Variants in ZNF385B observed in about 807,000 individuals in gnomAD.
ZNF385B encodes zinc finger protein 385B.
A neutral mutation model predicts 39.2 loss-of-function variants in ZNF385B; 23 were observed. That is an observed-to-expected ratio of 0.59 (90% confidence interval 0.42 to 0.83). The LOEUF is 0.83. Ranked by LOEUF, ZNF385B falls within the 40% of genes least tolerant of loss-of-function variation. ZNF385B has a pLI of 0.00. For synonymous variants in ZNF385B, 205 were observed against 222.6 expected, an observed-to-expected ratio of 0.92 and a Z score of 0.70; for missense variants, 552 against 598.9, an observed-to-expected ratio of 0.92 and a Z score of 0.82.
intron 1 of ZNF385B, among the ~76,000 whole-genome samples, chr2:179,784,660 G>T (rs79597017): frequency 6.6e-6 from 1 of 151,886 alleles, no homozygotes. Context: ...ATTCAGAAAA[G>T]ACATCCCAAT....
chr2:179,726,921 T>C (rs1322936803), intron 3 of ZNF385B, among the ~76,000 whole-genome samples: 1 of 152,060 alleles, frequency 6.6e-6, no homozygotes, highest in Non-Finnish European at 1.5e-5. Context: ...TGACTGGACA[T>C]TGAGCTAGTT....
At chr2:179,773,485 T>C (rs1339081783) in intron 1 of ZNF385B, among the ~76,000 whole-genome samples, 3 of 152,246 alleles carry the variant, frequency 2.0e-5, no homozygotes, top group Non-Finnish European at 4.4e-5. Context: ...CCACTTTTCC[T>C]GATGTCCTCG....
chr2:179,713,640 T>C (rs1575319471), intron 3 of ZNF385B, among the ~76,000 whole-genome samples: 1 of 152,188 alleles, frequency 6.6e-6, no homozygotes, highest in African/African-American at 2.4e-5. Flanking sequence ...CAGGGCAAGG[T>C]CCAAATCTGC....
intron 1 of ZNF385B, among the ~76,000 whole-genome samples, chr2:179,784,920 T>G (rs2106529269): frequency 6.6e-6 from 1 of 152,238 alleles, no homozygotes; most frequent in South Asian, 2.1e-4. Flanking sequence ...CCCAGCAATT[T>G]TATTCTTAGG....
rs577439235 is a variant in ZNF385B, at chr2:179,716,163, C to T, written c.298+53340G>A. 2.0e-5 allele frequency among the ~76,000 whole-genome samples: 3 copies of T among 152,066 alleles called. No homozygotes were observed. In the East Asian group the frequency reaches 5.8e-4, roughly 29 times the overall value. On this transcript the variant is annotated intron_variant, in intron 3 of 9. Coordinates refer to ENST00000410066, the MANE Select transcript of ZNF385B (RefSeq NM_152520.6). ...CAGTCACTATTTTTTTTATCCTTACCAAATTCATCTAAAGAACTGAGCCAG... is the reference window on the plus strand; with the variant it reads ...CAGTCACTATTTTTTTTATCCTTACTAAATTCATCTAAAGAACTGAGCCAG...
At chr2:179,577,020 A>G (rs1387869135) in intron 3 of ZNF385B, among the ~76,000 whole-genome samples, 2 of 152,214 alleles carry the variant, frequency 1.3e-5, no homozygotes, top group Non-Finnish European at 2.9e-5. Flanking sequence ...TTCCTCAGAT[A>G]AGATATAAGG....
In ZNF385B at chr2:179,769,782, G is replaced by T. The variant is rs1703908284; in HGVS notation, c.19C>A (p.Pro7Thr). The T allele has an allele frequency of 1.2e-6, 2 of 1,611,572 alleles. No homozygotes were observed. Among genetic ancestry groups the T allele is most frequent in the Admixed American group, 1.7e-5 (1 of 59,796 alleles). ...ATTCCATCTTCAAGATGGTTGTCAG[G>T]GCTTAAGGAGTACCTCATGCCTGAA... Reference protein sequence around the residue: MRYSLSPDNHLEDGIMN... With the variant: MRYSLSTDNHLEDGIMN... The change falls in exon 3 of 10, where the codon CCT becomes ACT. Residue 7 changes from proline (P) to threonine (T), a missense_variant. Physicochemically the swap from Pro to Thr is conservative, Grantham distance 38. Coordinates refer to ENST00000410066, the MANE Select transcript of ZNF385B (RefSeq NM_152520.6).
At chr2:179,598,910 T>G (rs1325858737) in intron 3 of ZNF385B, among the ~76,000 whole-genome samples, 1 of 152,196 alleles carries the variant, frequency 6.6e-6, no homozygotes, top group Non-Finnish European at 1.5e-5. Context: ...ATTCTTTTAA[T>G]AAATTAGTGG....
chr2:179,504,326 G>T (rs1040316087), intron 5 of ZNF385B, among the ~76,000 whole-genome samples: 24 of 151,576 alleles, frequency 1.6e-4, no homozygotes, highest in African/African-American at 5.1e-4. Context: ...GAATAATGCC[G>T]CAATAAACAT....
rs577684758 is a variant in ZNF385B, at chr2:179,736,963, C to T, written c.298+32540G>A. ...CCAGCCTGGCGACAGAGCGAGGCTC[C>T]GTCTCCAAACAAAACAAAACAAAAC... On this transcript the variant is annotated intron_variant, in intron 3 of 9. Coordinates refer to ENST00000410066, the MANE Select transcript of ZNF385B (RefSeq NM_152520.6). Among the ~76,000 whole-genome samples, 37 of 152,266 alleles carry T rather than the reference C, an allele frequency of 2.4e-4. No homozygotes were observed. The East Asian group carries it at 5.4e-3, about 22-fold the overall frequency.
chr2:179,443,351 C>T lies in ZNF385B; in HGVS notation c.1360G>A (p.Ala454Thr). 1 of 1,612,458 alleles carries T rather than the reference C, an allele frequency of 6.2e-7. No individual in the cohort carries two copies. The highest frequency in any genetic ancestry group is 8.5e-7 in the Non-Finnish European group (1 of 1,179,478). ...SALSLPPRPSASLFQAPAIPP... is the reference protein window; with the variant it reads ...SALSLPPRPSTSLFQAPAIPP... Reference sequence around the variant, plus strand: ...ATGGCTGGAGCCTGGAAGAGCGAGGCAGAGGGCCGGGGTGGGAGTGACAGC... The same window carrying T: ...ATGGCTGGAGCCTGGAAGAGCGAGGTAGAGGGCCGGGGTGGGAGTGACAGC... The change falls in exon 10 of 10, where the codon GCC becomes ACC. Residue 454 changes from alanine to threonine, a missense_variant. By Grantham distance (58) the Ala-to-Thr change is moderately conservative. Transcript: ENST00000410066.
chr2:179,770,046 C>T (rs1703925738), intron 2 of ZNF385B, among the ~76,000 whole-genome samples: 1 of 152,088 alleles, frequency 6.6e-6, no homozygotes, highest in East Asian at 1.9e-4. Context: ...ATACCCCATC[C>T]TTGCCCCTCT....
At chr2:179,836,508 G>GTTTTTTTTT (rs1559237839) in intron 1 of ZNF385B, among the ~76,000 whole-genome samples, 1 of 106,002 alleles carries the variant, frequency 9.4e-6, no homozygotes, top group Non-Finnish European at 1.9e-5. Flanking sequence ...AGGTTCTTGC[G>GTTTTTTTTT]TTTTCTTTTT....
intron 1 of ZNF385B, among the ~76,000 whole-genome samples, chr2:179,850,100 C>T (rs758131876): frequency 6.6e-6 from 1 of 152,072 alleles, no homozygotes; most frequent in East Asian, 1.9e-4. Context: ...GCAGTGTGCT[C>T]AAAAGCTGGA....
At chr2:179,778,344 G>A (rs1037100090) in intron 1 of ZNF385B, among the ~76,000 whole-genome samples, 7 of 152,046 alleles carry the variant, frequency 4.6e-5, no homozygotes, top group African/African-American at 1.4e-4. Flanking sequence ...CTCCCACTAC[G>A]ACTGCCAGGG....
chr2:179,493,368 T>C (rs548719883), intron 5 of ZNF385B, among the ~76,000 whole-genome samples: 2 of 126,864 alleles, frequency 1.6e-5, no homozygotes, highest in East Asian at 5.6e-4. Context: ...TATATGTAGG[T>C]TTGTGTGCGC....
At chr2:179,713,716 T>C (rs1029291456) in intron 3 of ZNF385B, among the ~76,000 whole-genome samples, 1 of 152,234 alleles carries the variant, frequency 6.6e-6, no homozygotes, top group African/African-American at 2.4e-5. Context: ...TTAATAAGTA[T>C]TAATGATTGA....
rs202072834 is a variant in ZNF385B, at chr2:179,444,900, G to C, written c.1218C>G (p.Leu406=). The part of the protein sequence containing the change: ...LKPKYSPYNK[L]QRSPSILAAK... ...CTGCTAGAATACTCGGGCTCCGCTGGAGTTTGTTGTAAGGGCTGTATTTTG... is the reference window on the plus strand; with the variant it reads ...CTGCTAGAATACTCGGGCTCCGCTGCAGTTTGTTGTAAGGGCTGTATTTTG... Residue 406 remains leucine (L), a synonymous_variant, in exon 9 of 10, where the codon CTC becomes CTG. Coordinates refer to ENST00000410066, the MANE Select transcript of ZNF385B (RefSeq NM_152520.6). 1.2e-6 allele frequency: 2 copies of C among 1,614,134 alleles called. No individual in the cohort carries two copies. The highest frequency in any genetic ancestry group is 2.2e-5 in the East Asian group (1 of 44,884).
intron 3 of ZNF385B, among the ~76,000 whole-genome samples, chr2:179,545,447 T>G (rs2060172564): frequency 6.6e-6 from 1 of 152,202 alleles, no homozygotes; most frequent in Non-Finnish European, 1.5e-5. Context: ...CCTGTATAGT[T>G]ACTGTCTGCT....
Sources: gnomAD v4.1 joint callset for allele counts (sites outside exome capture counted in the v4.1 genomes callset) on GRCh38, gnomAD v4.1.1 for gene constraint, MANE v1.5 for transcripts, NCBI Gene and HGNC (gene_info 2026-07-23, HGNC 2026-07-21) for gene names.